Variants in SRRM4 observed in about 807,000 individuals in gnomAD.
The protein encoded by SRRM4 is serine/arginine repetitive matrix 4, also known as serine/arginine repetitive matrix protein 4.
In SRRM4, 33 loss-of-function variants were observed where a neutral mutation model predicts 68.9. The ratio of observed to expected loss-of-function variants is 0.48; its 90% CI spans 0.36 to 0.64. The LOEUF (loss-of-function observed/expected upper bound fraction) is 0.64. SRRM4 is among the 30% of genes least tolerant of loss of function. The probability of loss-of-function intolerance (pLI) is 0.00; values close to 1 mark genes in which losing one functional copy is unlikely to be tolerated. For missense variants in SRRM4, 817 were observed against 827.1 expected (o/e 0.99, Z 0.15); for synonymous variants, 318 against 318.8 (o/e 1.00, Z 0.03).
At chr12:119,109,890 G>A (rs1458629819) in intron 2 of SRRM4, among the ~76,000 whole-genome samples, 1 of 152,208 alleles carries the variant, frequency 6.6e-6, no homozygotes, top group Non-Finnish European at 1.5e-5. Flanking sequence ...TCCTTTGGAG[G>A]AGAAGAGGCT....
intron 8 of SRRM4, among the ~76,000 whole-genome samples, chr12:119,140,128 C>T (rs1244979756): frequency 6.6e-6 from 1 of 152,164 alleles, no homozygotes; most frequent in Non-Finnish European, 1.5e-5. Flanking sequence ...AATCCCAGCA[C>T]TTTGGGAGGC....
At chr12:119,139,123 G>A (rs1464012090) in intron 8 of SRRM4, among the ~76,000 whole-genome samples, 4 of 152,140 alleles carry the variant, frequency 2.6e-5, no homozygotes, top group African/African-American at 9.7e-5. Context: ...TATAAATAAG[G>A]AGGCAAAAAG....
At chr12:118,997,279 T>C (rs947360376) in intron 1 of SRRM4, among the ~76,000 whole-genome samples, 1 of 152,206 alleles carries the variant, frequency 6.6e-6, no homozygotes, top group African/African-American at 2.4e-5. Context: ...TATACTCACA[T>C]GTGGAGTGAT....
At chr12:119,126,014 C>CTTTTTTT (rs34680171) in intron 7 of SRRM4, among the ~76,000 whole-genome samples, 1 of 71,134 alleles carries the variant, frequency 1.4e-5, no homozygotes, top group African/African-American at 5.7e-5. Context: ...ATACTAGCTG[C>CTTTTTTT]TTTTTTTTTT....
chr12:119,000,485 G>T (rs989968080), intron 1 of SRRM4, among the ~76,000 whole-genome samples: 2 of 152,164 alleles, frequency 1.3e-5, no homozygotes, highest in African/African-American at 4.8e-5. Context: ...TGAACCCTGT[G>T]TTTCTCGTGA....
chr12:119,117,049 G>A (rs1043581742), intron 4 of SRRM4, 41 bp downstream of exon 4: 22 of 1,562,984 alleles, frequency 1.4e-5, no homozygotes, highest in African/African-American at 1.1e-4. Context: ...TCCCCAGGTG[G>A]GGTGGGGAGG....
rs73405974 is a variant in SRRM4 at position 119,000,741 on chromosome 12, C to T, written c.131+18728C>T. 2.2e-3 allele frequency: 336 copies of T among 151,574 alleles called. 1 individual carries two copies. The highest frequency in any genetic ancestry group is 7.8e-3 in the African/African-American group (321 of 41,386). 9.4% of individuals were successfully genotyped at this position (151,574 alleles called of 1,614,324 possible). ...ATTCATTCCGAGTTTTCTCAAGAAA[C>T]AGCTAGAAAGGGAGGCATTTTGCCA... On this transcript the variant is annotated intron_variant, in intron 1 of 12. Coordinates refer to ENST00000267260, the MANE Select transcript of SRRM4 (RefSeq NM_194286.4).
At chr12:119,052,976 G>T (rs1480016728) in intron 1 of SRRM4, among the ~76,000 whole-genome samples, 1 of 152,198 alleles carries the variant, frequency 6.6e-6, no homozygotes, top group Non-Finnish European at 1.5e-5. Context: ...ATTTGAGGTG[G>T]CTGCATAGAA....
At chr12:119,092,839 G>T (rs1175655871) in intron 1 of SRRM4, among the ~76,000 whole-genome samples, 1 of 151,608 alleles carries the variant, frequency 6.6e-6, no homozygotes, top group East Asian at 1.9e-4. Flanking sequence ...AAAGAGCCAA[G>T]TCCCTGTGAA....
chr12:119,056,125 C>T (rs1440388629), intron 1 of SRRM4, among the ~76,000 whole-genome samples: 2 of 152,200 alleles, frequency 1.3e-5, no homozygotes, highest in African/African-American at 2.4e-5. Context: ...AGCCTCCCTC[C>T]CACAAGGCCC....
intron 9 of SRRM4, among the ~76,000 whole-genome samples, chr12:119,147,150 C>T (rs1330777477): frequency 2.0e-5 from 3 of 152,158 alleles, no homozygotes; most frequent in South Asian, 2.1e-4. Context: ...TGAGGTACCA[C>T]GCTATGAAAA....
chr12:119,120,271 G>T lies in SRRM4; in HGVS notation c.459G>T (p.Arg153Ser). The T allele has an allele frequency of 1.9e-6, 3 of 1,549,458 alleles. No individual in the cohort carries two copies. The highest frequency in any genetic ancestry group is 2.6e-6 in the Non-Finnish European group (3 of 1,146,310). ...TCAGGTCATTCTCCAAGAAGAGAAG[G>T]CACAGGTAAGACTCTTGTTCTCTGA... ...KRRRSFSKKR[R>S]HSSSSPKSKR... Residue 153 changes from arginine to serine, a missense_variant, in exon 5 of 13, where the codon AGG (arginine) becomes AGT (serine). Physicochemically the swap from Arg to Ser is moderately radical, Grantham distance 110. Coordinates refer to ENST00000267260, the MANE Select transcript of SRRM4 (RefSeq NM_194286.4).
chr12:119,039,971 A>G (rs1225275103), intron 1 of SRRM4, among the ~76,000 whole-genome samples: 1 of 152,136 alleles, frequency 6.6e-6, no homozygotes, highest in Non-Finnish European at 1.5e-5. Flanking sequence ...TTCTCTGACT[A>G]CTTGGATGCC....
intron 11 of SRRM4, among the ~76,000 whole-genome samples, chr12:119,153,863 G>A (rs1039412996): frequency 6.6e-6 from 1 of 151,990 alleles, no homozygotes; most frequent in Admixed American, 6.6e-5. Context: ...CAGTCCCGCA[G>A]ACATACCCCA....
intron 1 of SRRM4, among the ~76,000 whole-genome samples, chr12:119,098,681 A>G (rs1386537501): frequency 6.6e-6 from 1 of 152,180 alleles, no homozygotes; most frequent in East Asian, 1.9e-4. Flanking sequence ...AGATCTTCCC[A>G]AAAGCTTGCT....
At chr12:119,018,589 A>T (rs77795530) in intron 1 of SRRM4, among the ~76,000 whole-genome samples, 180 of 152,134 alleles carry the variant, frequency 1.2e-3, no homozygotes, top group African/African-American at 4.3e-3. Context: ...TGAGTTCAAA[A>T]CTCTACAGCT....
chr12:119,053,690 T>C (rs1040928798), intron 1 of SRRM4, among the ~76,000 whole-genome samples: 3 of 152,158 alleles, frequency 2.0e-5, no homozygotes, highest in African/African-American at 7.2e-5. Flanking sequence ...GTGGCATCTC[T>C]AAGGGTCCCA....
intron 1 of SRRM4, among the ~76,000 whole-genome samples, chr12:118,997,717 G>T (rs540500446): frequency 6.6e-6 from 1 of 152,184 alleles, no homozygotes; most frequent in Admixed American, 6.5e-5. Flanking sequence ...GGAAAATATA[G>T]AGAGAGGGAA....
intron 1 of SRRM4, among the ~76,000 whole-genome samples, chr12:119,085,664 A>G (rs184719304): frequency 8.5e-5 from 13 of 152,348 alleles, no homozygotes; most frequent in African/African-American, 2.9e-4. Flanking sequence ...ACATGATCCA[A>G]TCTGCATTTT....
Sources: allele counts gnomAD v4.1 joint callset (sites outside exome capture counted in the v4.1 genomes callset), GRCh38; gene constraint gnomAD v4.1.1; transcripts MANE v1.5; gene names NCBI Gene and HGNC (gene_info 2026-07-23, HGNC 2026-07-21).